The following ARHGEF17 variants were observed in gnomAD, a reference collection of about 807,000 sequenced individuals.
ARHGEF17 encodes the protein Rho guanine nucleotide exchange factor 17, also known as 164 kDa Rho-specific guanine-nucleotide exchange factor.
A neutral mutation model predicts 174.0 loss-of-function variants in ARHGEF17; 80 were observed. The ratio of observed to expected loss-of-function variants is 0.46; its 90% CI spans 0.38 to 0.55. The LOEUF (loss-of-function observed/expected upper bound fraction) is 0.55, where lower values mean the gene tolerates loss of function less well. ARHGEF17 is among the 20% of genes least tolerant of loss of function. ARHGEF17 has a pLI of 0.00. For synonymous variants in ARHGEF17, 1,311 were observed against 1,189.1 expected (o/e 1.10, Z -2.11); for missense variants, 2,886 against 2,839.7 (o/e 1.02, Z -0.37).
chr11:73,328,544 G>A (rs1591731480), intron 1 of ARHGEF17, among the ~76,000 whole-genome samples: 1 of 152,194 alleles, frequency 6.6e-6, no homozygotes, highest in Non-Finnish European at 1.5e-5. Context: ...TTGAGCGTTT[G>A]GCTTGAAGGA....
At position 73,363,562 on chromosome 11, in the gene ARHGEF17, C is replaced by T. The variant is rs900722950; in HGVS notation, c.5246+107C>T. On this transcript the variant is annotated intron_variant, in intron 15 of 20. Transcript: ENST00000263674. ...AAGGCAGGAGGGCTTTGGGTCACAC[C>T]TCAGGGGTACTGCTGACCAGGGATG... The T allele has an allele frequency of 5.9e-6, 9 of 1,519,736 alleles. No individual in the cohort carries two copies. The African/African-American group carries it at 1.2e-4, about 21-fold the overall frequency. The allele number at this position is 1,519,736 out of a possible 1,614,324, so 94.1% of individuals were successfully genotyped here. A position where few individuals can be genotyped will look rare whatever the true frequency, so the allele number is the denominator to read the frequency against.
Position 73,364,490 on chromosome 11 carries a change from T to G in ARHGEF17, c.5440T>G (p.Leu1814Val). The G allele has an allele frequency of 6.2e-7, 1 of 1,613,458 alleles. No individual in the cohort carries two copies. Among genetic ancestry groups the G allele is most frequent in the Admixed American group, 1.7e-5 (1 of 59,880 alleles). ...WDPQNFKSVT[L>V]GTQGSPITKM... ...CCCCCAGAACTTCAAATCAGTGACC[T>G]TGGGCACCCAGGGGAGCCCCATCAC... Residue 1814 changes from leucine (L) to valine (V), a missense_variant, in exon 18 of 21, where the codon TTG becomes GTG. By Grantham distance (32) the Leu-to-Val change is conservative. Around this residue, in one of 4 missense-constraint regions of ARHGEF17, gnomAD observed 329 missense variants for 435.2 expected, o/e 0.76. Transcript: ENST00000263674.
intron 2 of ARHGEF17, among the ~76,000 whole-genome samples, chr11:73,351,913 T>A (rs1366936840): frequency 6.6e-6 from 1 of 152,196 alleles, no homozygotes; most frequent in Non-Finnish European, 1.5e-5. Flanking sequence ...ACTACGAGAT[T>A]TCCATATGTC....
intron 1 of ARHGEF17, among the ~76,000 whole-genome samples, chr11:73,335,694 A>G (rs1282142658): frequency 2.0e-5 from 3 of 152,198 alleles, no homozygotes; most frequent in Admixed American, 6.5e-5. Context: ...CACTGGAGCC[A>G]TAGGCTTAAT....
intron 1 of ARHGEF17, among the ~76,000 whole-genome samples, chr11:73,324,608 G>A (rs1417195740): frequency 6.6e-6 from 1 of 152,216 alleles, no homozygotes; most frequent in African/African-American, 2.4e-5. Context: ...GAAAGAGAGA[G>A]GTGGTATTCA....
Position 73,367,883 on chromosome 11 carries a change from GCA to G in ARHGEF17, c.*108_*109del. ...TTTGACCAGGAGTATCCAGCCAGGG[GCA>G]CACATGTGCCTGCGTGGGCTCTGCC... On this transcript the variant is annotated 3_prime_UTR_variant, in exon 21 of 21. Coordinates refer to ENST00000263674, the MANE Select transcript of ARHGEF17 (RefSeq NM_014786.4). 2 of 1,247,570 alleles carry G rather than the reference GCA, an allele frequency of 1.6e-6. No homozygotes were observed. Among genetic ancestry groups the G allele is most frequent in the Non-Finnish European group, 2.2e-6 (2 of 902,894 alleles). The allele number at this position is 1,247,570 out of a possible 1,614,324, so 77.3% of individuals were successfully genotyped here.
chr11:73,355,474 C>CAGGGTGAGGT, intron 3 of ARHGEF17, 59 bp from the exon 4 acceptor site: 1 of 1,111,978 alleles, frequency 9.0e-7, no homozygotes, highest in East Asian at 2.4e-5. Context: ...AAAACTAGGA[C>CAGGGTGAGGT]AGGGTGAGGT....
chr11:73,365,205 C>T lies in ARHGEF17; in HGVS notation c.5551-185C>T. 1 of 635,288 alleles carries T rather than the reference C, an allele frequency of 1.6e-6. No individual in the cohort carries two copies. The highest frequency in any genetic ancestry group is 2.7e-6 in the Non-Finnish European group (1 of 368,670). The allele number at this position is 635,288 out of a possible 1,614,324, so 39.4% of individuals were successfully genotyped here. A position where few individuals can be genotyped will look rare whatever the true frequency, so the allele number is the denominator to read the frequency against. ...CTCAAGTTTAATGGGGAAAAAGCACCTCCATTGTAATTCCTGAGAACTAAG... is the reference window on the plus strand; with the variant it reads ...CTCAAGTTTAATGGGGAAAAAGCACTTCCATTGTAATTCCTGAGAACTAAG... On this transcript the variant is annotated intron_variant, in intron 18 of 20. Coordinates refer to ENST00000263674, the MANE Select transcript of ARHGEF17 (RefSeq NM_014786.4). This position sits in a 1 kb window ranked among gnomAD's most constrained non-coding sequence, Gnocchi z 4.9.
At position 73,362,833 on chromosome 11, in the gene ARHGEF17, G is replaced by A. The variant is rs1229585792; in HGVS notation, c.4996+99G>A. 13 of 1,409,948 alleles carry A rather than the reference G, an allele frequency of 9.2e-6. 1 individual carries two copies. Among genetic ancestry groups the A allele is most frequent in the East Asian group, 4.6e-5 (2 of 43,146 alleles). The allele number at this position is 1,409,948 out of a possible 1,614,324, so 87.3% of individuals were successfully genotyped here. A position where few individuals can be genotyped will look rare whatever the true frequency, so the allele number is the denominator to read the frequency against. ...GACCAGTGTAGGGCAAAGGCATGGC[G>A]TCAGACCTCAGGATGTTAGCACACA... On this transcript the variant is annotated intron_variant, in intron 14 of 20. Transcript: ENST00000263674.
chr11:73,325,383 G>A lies in ARHGEF17; in HGVS notation c.3192+13553G>A, dbSNP rs1405422147. Among the ~76,000 whole-genome samples the A allele has an allele frequency of 2.6e-5, 4 of 152,294 alleles. No homozygotes were observed. In the East Asian group the frequency reaches 7.7e-4, roughly 29 times the overall value. On this transcript the variant is annotated intron_variant, in intron 1 of 20. Transcript: ENST00000263674. ...ATTTCGTTCCAGGGCTGGGCCCTGT[G>A]CTTGGGCTGGAGATGTAGAGAGGAG...
At position 73,367,697 on chromosome 11, in the gene ARHGEF17, C is replaced by T. The variant is rs910213732; in HGVS notation, c.6109C>T (p.Arg2037Ter). The change falls in exon 21 of 21, where the codon CGA becomes TGA. Residue 2037 changes from arginine to a stop codon, truncating the protein, a stop_gained. Transcript: ENST00000263674. LOFTEE classifies it high-confidence loss of function. ...ISGGDGYEDF[R>*]LSSGGGSSSE... is the part of the protein sequence containing the mutation. ...TGGAGGTGATGGCTATGAGGACTTC[C>T]GACTCAGCAGTGGGGGCGGCAGCAG... The T allele has an allele frequency of 1.2e-6, 2 of 1,614,096 alleles. No individual in the cohort carries two copies. Among genetic ancestry groups the T allele is most frequent in the Non-Finnish European group, 1.7e-6 (2 of 1,180,004 alleles).
In ARHGEF17 at chr11:73,365,433, G is replaced by A. The variant is rs1250975569; in HGVS notation, c.5594G>A (p.Cys1865Tyr). Residue 1865 changes from cysteine to tyrosine, a missense_variant, in exon 19 of 21, where the codon TGC becomes TAC. Cys to Tyr is a radical substitution (Grantham distance 194). Coordinates refer to ENST00000263674, the MANE Select transcript of ARHGEF17 (RefSeq NM_014786.4). The surrounding 1 kb of genome is among the most constrained non-coding windows in gnomAD (Gnocchi z 4.9). ...CAGGATTCAAGCCGCTGCGTGGCTT[G>A]CATGGTGGACTCCAGCCTGGGTGTG... is the stretch of plus-strand genomic sequence containing the variant. ...VGQDSSRCVA[C>Y]MVDSSLGVWV... 1 of 1,614,024 alleles carries A rather than the reference G, an allele frequency of 6.2e-7. No homozygotes were observed. The highest frequency in any genetic ancestry group is 8.5e-7 in the Non-Finnish European group (1 of 1,180,036).
chr11:73,308,589 G>C lies in ARHGEF17; in HGVS notation c.-50G>C, dbSNP rs1310332976. 7.3e-7 allele frequency: 1 copy of C among 1,375,962 alleles called. No individual in the cohort carries two copies. Among genetic ancestry groups the C allele is most frequent in the African/African-American group, 1.5e-5 (1 of 65,140 alleles). 85.2% of individuals were successfully genotyped at this position (1,375,962 alleles called of 1,614,324 possible). ...CCTAGGGAGTGGGGGCGCAGGGGGG[G>C]TTGGCCGCGGCTGCCCGAGGCCAGC... On this transcript the variant is annotated 5_prime_UTR_variant, in exon 1 of 21. Transcript: ENST00000263674.
At chr11:73,344,619 G>C (rs1257093643) in intron 1 of ARHGEF17, among the ~76,000 whole-genome samples, 1 of 152,264 alleles carries the variant, frequency 6.6e-6, no homozygotes, top group East Asian at 1.9e-4. Flanking sequence ...GTCTCACTGA[G>C]GGGGAGAAAG....
Position 73,362,555 on chromosome 11 carries a change from C to T in ARHGEF17, c.4817C>T (p.Pro1606Leu), listed in dbSNP as rs1565209803. The T allele has an allele frequency of 1.2e-6, 2 of 1,608,856 alleles. No individual in the cohort carries two copies. Among genetic ancestry groups the T allele is most frequent in the Non-Finnish European group, 1.7e-6 (2 of 1,179,504 alleles). Residue 1606 changes from proline (P) to leucine (L), a missense_variant, in exon 14 of 21, where the codon CCC becomes CTC. Coordinates refer to ENST00000263674, the MANE Select transcript of ARHGEF17 (RefSeq NM_014786.4). ...ACGCTCGCGGAGCCGGGGCCGCAGC[C>T]CTGCCTTCACATCTCCATTGCAGGC... ...AATLAEPGPQPCLHISIAGSG... is the reference protein window; with the variant it reads ...AATLAEPGPQLCLHISIAGSG...
rs1382399798 is a variant in ARHGEF17, at chr11:73,365,040, TG to T, written c.5551-347del. The T allele has an allele frequency of 3.0e-6, 1 of 333,508 alleles. No individual in the cohort carries two copies. The highest frequency in any genetic ancestry group is 2.1e-5 in the African/African-American group (1 of 47,424). 20.7% of individuals were successfully genotyped at this position (333,508 alleles called of 1,614,324 possible). A position where few individuals can be genotyped will look rare whatever the true frequency, so the allele number is the denominator to read the frequency against. ...TTGGCTGGGCAGGAGTCCAAAGCCC[TG>T]GGTTCAGGCCCCAGCTCTGTGACTG... On this transcript the variant is annotated intron_variant, in intron 18 of 20. Transcript: ENST00000263674. This position sits in a 1 kb window ranked among gnomAD's most constrained non-coding sequence, Gnocchi z 4.9.
rs1864763194 is a variant in ARHGEF17 at position 73,309,360 on chromosome 11, C to T, written c.722C>T (p.Pro241Leu). Reference protein sequence around the residue: ...CSSSSIAASYPVSRSRAASSS... With the variant: ...CSSSSIAASYLVSRSRAASSS... ...TCCTCCTCCATCGCCGCCTCCTATC[C>T]TGTCAGCCGCAGTCGTGCTGCCAGC... is the stretch of plus-strand genomic sequence containing the variant. Residue 241 changes from proline to leucine, a missense_variant, in exon 1 of 21, where the codon CCT becomes CTT. Pro to Leu is a moderately conservative substitution (Grantham distance 98). Transcript: ENST00000263674. The T allele has an allele frequency of 6.2e-7, 1 of 1,602,756 alleles. No individual in the cohort carries two copies. Among genetic ancestry groups the T allele is most frequent in the East Asian group, 2.2e-5 (1 of 44,798 alleles).
intron 10 of ARHGEF17, among the ~76,000 whole-genome samples, 153 bp from the exon 11 acceptor site, chr11:73,360,167 G>A (rs573559156): frequency 2.6e-5 from 4 of 152,264 alleles, no homozygotes; most frequent in African/African-American, 9.6e-5. Flanking sequence ...GGTGACAGAG[G>A]CCCCATCCCC....
rs910174113 is a variant in ARHGEF17, at chr11:73,311,372, A to G, written c.2734A>G (p.Ile912Val). The change falls in exon 1 of 21, where the codon ATT becomes GTT. Residue 912 changes from isoleucine to valine, a missense_variant. Ile to Val is a conservative substitution (Grantham distance 29, BLOSUM62 3). Coordinates refer to ENST00000263674, the MANE Select transcript of ARHGEF17 (RefSeq NM_014786.4). ...TCACCTTGACCCCAAGCTGGCTGACATTCTGTCCCCGAGGCTAATCCGCCG... is the reference window on the plus strand; with the variant it reads ...TCACCTTGACCCCAAGCTGGCTGACGTTCTGTCCCCGAGGCTAATCCGCCG... The part of the protein sequence containing the change: ...NFHLDPKLAD[I>V]LSPRLIRRGS... 1 of 1,613,138 alleles carries G rather than the reference A, an allele frequency of 6.2e-7. No homozygotes were observed. Among genetic ancestry groups the G allele is most frequent in the East Asian group, 2.2e-5 (1 of 44,878 alleles).
Sources: allele counts gnomAD v4.1 joint callset (sites outside exome capture counted in the v4.1 genomes callset), GRCh38; gene constraint gnomAD v4.1.1; regional missense constraint gnomAD v4.1.1; non-coding constraint Gnocchi (gnomAD v3.1); transcripts MANE v1.5; gene names NCBI Gene and HGNC (gene_info 2026-07-23, HGNC 2026-07-21).